Variants in FRMD4A observed in about 807,000 individuals in gnomAD.
The protein encoded by FRMD4A is FERM domain containing 4A.
Under a neutral mutation model 129.1 loss-of-function variants are expected in FRMD4A, and 29 were observed. That is an observed-to-expected ratio of 0.22 (90% CI 0.17 to 0.31). The LOEUF (loss-of-function observed/expected upper bound fraction) is 0.31. Among genes scored for constraint, FRMD4A ranks in the 10% least tolerant of loss-of-function variants. FRMD4A has a pLI of 1.00. For synonymous variants in FRMD4A, 634 were observed against 571.6 expected (o/e 1.11, Z -1.56); for missense variants, 1,272 against 1,375.8 (o/e 0.92, Z 1.19).
chr10:13,697,626 G>A (rs146364097), intron 14 of FRMD4A, among the ~76,000 whole-genome samples: 28 of 151,748 alleles, frequency 1.8e-4, no homozygotes, highest in Admixed American at 2.6e-4. Context: ...GCTGATACAC[G>A]TGACTCAGTC....
chr10:13,775,994 G>A (rs2092588920), intron 6 of FRMD4A, among the ~76,000 whole-genome samples: 1 of 152,216 alleles, frequency 6.6e-6, no homozygotes, highest in East Asian at 1.9e-4. Flanking sequence ...GATTAGTCAC[G>A]ATAATGTCAT....
At chr10:14,158,140 G>GA (rs1247602194) in intron 2 of FRMD4A, among the ~76,000 whole-genome samples, 1 of 152,132 alleles carries the variant, frequency 6.6e-6, no homozygotes, top group Non-Finnish European at 1.5e-5. Flanking sequence ...GGGGGTGGGG[G>GA]AAATCTCCTT....
chr10:13,984,735 T>C (rs1235667426), intron 2 of FRMD4A, among the ~76,000 whole-genome samples: 2 of 152,266 alleles, frequency 1.3e-5, no homozygotes, highest in South Asian at 2.1e-4. Flanking sequence ...CTGAGTAATG[T>C]TCCATTGTAT....
At chr10:13,788,062 C>A (rs562462517) in intron 5 of FRMD4A, among the ~76,000 whole-genome samples, 8 of 152,250 alleles carry the variant, frequency 5.3e-5, no homozygotes, top group Admixed American at 4.6e-4. Context: ...AGAGGGTCTG[C>A]ATGGACAGTT....
At chr10:13,791,388 G>C (rs919850711) in intron 5 of FRMD4A, among the ~76,000 whole-genome samples, 2 of 124,816 alleles carry the variant, frequency 1.6e-5, no homozygotes, top group African/African-American at 5.3e-5. Flanking sequence ...AGAAGCTCGG[G>C]GGTAGAAATA....
chr10:13,879,858 C>T (rs887157025), intron 2 of FRMD4A, among the ~76,000 whole-genome samples: 7 of 150,642 alleles, frequency 4.6e-5, no homozygotes, highest in African/African-American at 9.8e-5. Flanking sequence ...TTGACCCAGG[C>T]TGCTCTCAAA....
At chr10:13,904,387 A>T (rs938737074) in intron 2 of FRMD4A, among the ~76,000 whole-genome samples, 8 of 152,138 alleles carry the variant, frequency 5.3e-5, no homozygotes, top group Non-Finnish European at 5.9e-5. Context: ...CAGACGCCTC[A>T]TTCCCCGGGA....
At chr10:14,157,126 C>T (rs992840369) in intron 2 of FRMD4A, among the ~76,000 whole-genome samples, 5 of 152,220 alleles carry the variant, frequency 3.3e-5, no homozygotes, top group African/African-American at 1.2e-4. Flanking sequence ...AACTAAGTTA[C>T]AAAATGACTC....
chr10:14,184,125 C>CTTT (rs58858936), intron 2 of FRMD4A, among the ~76,000 whole-genome samples: 25 of 64,594 alleles, frequency 3.9e-4, no homozygotes, highest in African/African-American at 5.0e-4. Flanking sequence ...CTTTTCTTTT[C>CTTT]TTTTTTTTTT....
In FRMD4A at chr10:13,949,764, A is replaced by T. The variant is rs150121514; in HGVS notation, c.46-90852T>A. Among the ~76,000 whole-genome samples, 531 of 152,342 alleles carry T rather than the reference A, an allele frequency of 3.5e-3. 5 individuals carry two copies. Among genetic ancestry groups the T allele is most frequent in the African/African-American group, 0.012 (502 of 41,576 alleles). On this transcript the variant is annotated intron_variant, in intron 2 of 24. Coordinates refer to ENST00000357447, the MANE Select transcript of FRMD4A (RefSeq NM_018027.5). ...CTAAGAGCCAGAGTGTGTAAGGGAC[A>T]TCCCAAGTCACACAGTTAATAAATG... is the stretch of plus-strand genomic sequence containing the variant.
chr10:14,260,465 G>T (rs1170236212), intron 2 of FRMD4A, among the ~76,000 whole-genome samples: 2 of 152,168 alleles, frequency 1.3e-5, no homozygotes, highest in Admixed American at 6.5e-5. Flanking sequence ...CGGGCTCAGG[G>T]TTCACACACA....
rs140629370 is a variant in FRMD4A at position 14,145,219 on chromosome 10, A to G, written c.45+184839T>C. The stretch of plus-strand genomic sequence containing the variant: ...CTAAGTAAGCAAGAAAGCCCCAGGA[A>G]CCTCGAATTCTATTCCTAACTCTGC... On this transcript the variant is annotated intron_variant, in intron 2 of 24. Coordinates refer to ENST00000357447, the MANE Select transcript of FRMD4A (RefSeq NM_018027.5). Among the ~76,000 whole-genome samples the G allele has an allele frequency of 3.7e-3, 563 of 152,120 alleles. 1 individual carries two copies. Among genetic ancestry groups the G allele is most frequent in the African/African-American group, 0.013 (526 of 41,464 alleles).
rs1317452591 is a variant in FRMD4A, at chr10:13,645,339, G to C, written c.*1699C>G. The C allele has an allele frequency of 2.1e-5, 3 of 142,250 alleles. No individual in the cohort carries two copies. The highest frequency in any genetic ancestry group is 4.5e-5 in the Non-Finnish European group (3 of 66,336). The allele number at this position is 142,250 out of a possible 1,614,324, so 8.8% of individuals were successfully genotyped here. On this transcript the variant is annotated 3_prime_UTR_variant, in exon 25 of 25. Coordinates refer to ENST00000357447, the MANE Select transcript of FRMD4A (RefSeq NM_018027.5). Reference sequence around the variant, plus strand: ...ATGCCTTTCCAATAGGAAGTCATTAGAGTGAGAAAAAAATTCCACCCCCAC... The same window carrying C: ...ATGCCTTTCCAATAGGAAGTCATTACAGTGAGAAAAAAATTCCACCCCCAC...
At chr10:13,779,032 G>T (rs1226717445) in intron 6 of FRMD4A, among the ~76,000 whole-genome samples, 6 of 151,966 alleles carry the variant, frequency 3.9e-5, no homozygotes, top group Non-Finnish European at 7.4e-5. Context: ...TTTAAAAAAA[G>T]AATTGGCTGG....
intron 2 of FRMD4A, among the ~76,000 whole-genome samples, chr10:14,016,963 A>T (rs545094963): frequency 2.0e-5 from 3 of 152,224 alleles, no homozygotes; most frequent in Non-Finnish European, 4.4e-5. Context: ...ACAGACAGAG[A>T]TCTTGCTCAC....
intron 15 of FRMD4A, among the ~76,000 whole-genome samples, chr10:13,680,596 T>G (rs908869995): frequency 6.6e-6 from 1 of 151,812 alleles, no homozygotes; most frequent in Admixed American, 6.6e-5. Flanking sequence ...CGTTGTGGCA[T>G]GCACCTGTAA....
chr10:14,072,249 C>T (rs1404109074), intron 2 of FRMD4A, among the ~76,000 whole-genome samples: 4 of 152,012 alleles, frequency 2.6e-5, no homozygotes, highest in Non-Finnish European at 5.9e-5. Flanking sequence ...CGGAGATGCT[C>T]GGCTGAGTTC....
chr10:14,095,038 G>C (rs1285330027), intron 2 of FRMD4A, among the ~76,000 whole-genome samples: 1 of 152,154 alleles, frequency 6.6e-6, no homozygotes, highest in East Asian at 1.9e-4. Flanking sequence ...ACATGTGCAT[G>C]TGTGTGTATG....
At chr10:13,941,429 GC>G (rs2095291512) in intron 2 of FRMD4A, among the ~76,000 whole-genome samples, 1 of 152,166 alleles carries the variant, frequency 6.6e-6, no homozygotes, top group African/African-American at 2.4e-5. Flanking sequence ...GTCTTTATCA[GC>G]AGCGTGTAAA....
Sources: allele counts gnomAD v4.1 joint callset (sites outside exome capture counted in the v4.1 genomes callset), GRCh38; gene constraint gnomAD v4.1.1; transcripts MANE v1.5; gene names NCBI Gene and HGNC (gene_info 2026-07-23, HGNC 2026-07-21).